Variants in IMPG2 observed in about 807,000 individuals in gnomAD.
IMPG2 encodes the protein IPM 200.
IMPG2 carries 91 observed loss-of-function variants against 129.2 expected under a neutral mutation model. That is an observed-to-expected ratio of 0.70 (90% confidence interval 0.59 to 0.84). The LOEUF (loss-of-function observed/expected upper bound fraction) is 0.84. IMPG2 is among the 40% of genes least tolerant of loss of function. The pLI is 0.00. For missense variants in IMPG2, 1,430 were observed against 1,461.7 expected, an observed-to-expected ratio of 0.98 and a Z score of 0.35; for synonymous variants, 510 against 517.7, an observed-to-expected ratio of 0.99 and a Z score of 0.20.
intron 10 of IMPG2, among the ~76,000 whole-genome samples, chr3:101,254,445 T>C (rs1281098785): frequency 6.6e-6 from 1 of 152,060 alleles, no homozygotes; most frequent in East Asian, 1.9e-4. Context: ...GGGGCATGTA[T>C]ACAATGTATG....
At chr3:101,227,056 T>C (rs1053524829) in intron 18 of IMPG2, 75 bp from the exon 19 acceptor site, 1 of 1,401,376 alleles carries the variant, frequency 7.1e-7, no homozygotes. Context: ...CTGTCATACA[T>C]CACTAAGCTA....
At chr3:101,257,225 T>G (rs1255456206) in intron 10 of IMPG2, among the ~76,000 whole-genome samples, 4 of 152,134 alleles carry the variant, frequency 2.6e-5, no homozygotes, top group Non-Finnish European at 5.9e-5. Flanking sequence ...TATTATAGCC[T>G]GTTTCAATGC....
intron 2 of IMPG2, among the ~76,000 whole-genome samples, chr3:101,308,205 C>T (rs1449006939): frequency 6.6e-6 from 1 of 152,180 alleles, no homozygotes; most frequent in Non-Finnish European, 1.5e-5. Context: ...TTGGTTGATC[C>T]ACCATTCTGG....
Position 101,244,346 on chromosome 3 carries a change from C to G in IMPG2, c.1985G>C (p.Ser662Thr). The change falls in exon 13 of 19, where the codon AGT becomes ACT. Residue 662 changes from serine to threonine, a missense_variant. Transcript: ENST00000193391. ...ATCATGTTCATATTTTGAGTGCTTA[C>G]TAATTTGGTCTGTGGAATCCATTTT... Reference protein sequence around the residue: ...VDKMDSTDQISKHSKYEHDDR... With the variant: ...VDKMDSTDQITKHSKYEHDDR... 1 of 1,614,072 alleles carries G rather than the reference C, an allele frequency of 6.2e-7. No homozygotes were observed. Among genetic ancestry groups the G allele is most frequent in the Non-Finnish European group, 8.5e-7 (1 of 1,179,982 alleles).
At chr3:101,277,498 T>C (rs1706850816) in intron 4 of IMPG2, among the ~76,000 whole-genome samples, 1 of 152,214 alleles carries the variant, frequency 6.6e-6, no homozygotes, top group Non-Finnish European at 1.5e-5. Flanking sequence ...AGACAAGTAG[T>C]ACAGACAAGA....
At chr3:101,291,402 A>T in intron 4 of IMPG2, 77 bp downstream of exon 4, 1 of 1,212,616 alleles carries the variant, frequency 8.2e-7, no homozygotes, top group Non-Finnish European at 1.2e-6. Context: ...GCACCATTAA[A>T]TTTGGGGTGA....
chr3:101,310,693 T>C (rs1707255720), intron 2 of IMPG2, among the ~76,000 whole-genome samples: 1 of 152,180 alleles, frequency 6.6e-6, no homozygotes, highest in South Asian at 2.1e-4. Flanking sequence ...TCTTTCACTT[T>C]TCTGTTTAAA....
In IMPG2 at chr3:101,319,604, A is replaced by C; in HGVS notation, c.314T>G (p.Val105Gly). 1 of 1,613,660 alleles carries C rather than the reference A, an allele frequency of 6.2e-7. No individual in the cohort carries two copies. The highest frequency in any genetic ancestry group is 8.5e-7 in the Non-Finnish European group (1 of 1,179,776). Residue 105 changes from valine to glycine, a missense_variant, in exon 2 of 19, where the codon GTG becomes GGG. Coordinates refer to ENST00000193391, the MANE Select transcript of IMPG2 (RefSeq NM_016247.4). ...ESVAEAVANH[V>G]KYFKVRVCQE... ...CTTACCTCGGACTTTAAAATACTTCACATGATTTGCCACAGCCTCTGCAAC... is the reference window on the plus strand; with the variant it reads ...CTTACCTCGGACTTTAAAATACTTCCCATGATTTGCCACAGCCTCTGCAAC...
intron 2 of IMPG2, among the ~76,000 whole-genome samples, chr3:101,308,952 T>C (rs994583959): frequency 2.0e-5 from 3 of 152,144 alleles, no homozygotes; most frequent in Non-Finnish European, 2.9e-5. Context: ...ATACCCTAAA[T>C]CATCTCTCTC....
At chr3:101,319,356 G>A (rs1415094661) in intron 2 of IMPG2, among the ~76,000 whole-genome samples, 1 of 152,010 alleles carries the variant, frequency 6.6e-6, no homozygotes, top group Admixed American at 6.6e-5. Flanking sequence ...ATTATTAAAT[G>A]ATATTATTGC....
intron 2 of IMPG2, among the ~76,000 whole-genome samples, chr3:101,315,663 C>T (rs1390138865): frequency 3.3e-5 from 5 of 151,942 alleles, no homozygotes; most frequent in African/African-American, 9.7e-5. Context: ...ACTTCTGGTC[C>T]CAAGCATTTT....
rs1361083993 is a variant in IMPG2, at chr3:101,226,278, T to C, written c.*691A>G. On this transcript the variant is annotated 3_prime_UTR_variant, in exon 19 of 19. Coordinates refer to ENST00000193391, the MANE Select transcript of IMPG2 (RefSeq NM_016247.4). ...ATATATATATATATATATATATATA[T>C]ATGCATTCATCCTGAAAACTAAGAA... 1 of 77,344 alleles carries C rather than the reference T, an allele frequency of 1.3e-5. No individual in the cohort carries two copies. Among genetic ancestry groups the C allele is most frequent in the Non-Finnish European group, 2.8e-5 (1 of 36,178 alleles). 4.8% of individuals were successfully genotyped at this position (77,344 alleles called of 1,614,324 possible).
chr3:101,255,105 T>C (rs953727047), intron 10 of IMPG2, among the ~76,000 whole-genome samples: 1 of 152,116 alleles, frequency 6.6e-6, no homozygotes, highest in Non-Finnish European at 1.5e-5. Flanking sequence ...TTAAACCTCT[T>C]TCCTTCATAA....
In IMPG2 at chr3:101,283,769, A is replaced by G. The variant is rs373011040; in HGVS notation, c.534-7056T>C. Among the ~76,000 whole-genome samples, 11 of 152,336 alleles carry G rather than the reference A, an allele frequency of 7.2e-5. No individual in the cohort carries two copies. The East Asian group carries it at 2.1e-3, about 29-fold the overall frequency. ...ATTTGCAAAAACAAAACAAAACAAA[A>G]AACTCTGAGCTATACTGCCCATATT... On this transcript the variant is annotated intron_variant, in intron 4 of 18. Transcript: ENST00000193391.
At chr3:101,229,312 C>A (rs923255219) in intron 17 of IMPG2, 68 bp downstream of exon 17, 2 of 914,230 alleles carry the variant, frequency 2.2e-6, no homozygotes, top group African/African-American at 1.7e-5. Context: ...CCCCACCCAC[C>A]ACCCCCTGCT....
intron 4 of IMPG2, among the ~76,000 whole-genome samples, chr3:101,281,840 G>C (rs756959405): frequency 3.5e-4 from 53 of 152,234 alleles, no homozygotes; most frequent in Non-Finnish European, 5.4e-4. Flanking sequence ...ATGGAAGTGG[G>C]CCATGAGCCA....
At chr3:101,283,740 T>A (rs1217447306) in intron 4 of IMPG2, among the ~76,000 whole-genome samples, 1 of 152,132 alleles carries the variant, frequency 6.6e-6, no homozygotes, top group Non-Finnish European at 1.5e-5. Context: ...AAAAGGAAGT[T>A]TGGATTTGCA....
intron 11 of IMPG2, among the ~76,000 whole-genome samples, chr3:101,249,925 G>A (rs762412218): frequency 6.6e-6 from 1 of 151,902 alleles, no homozygotes; most frequent in Non-Finnish European, 1.5e-5. Context: ...AAAAAAAATA[G>A]CTGGGTGCCT....
At chr3:101,265,407 A>ATTAATTT (rs1241246452) in intron 9 of IMPG2, among the ~76,000 whole-genome samples, 3 of 152,110 alleles carry the variant, frequency 2.0e-5, no homozygotes, top group African/African-American at 7.2e-5. Flanking sequence ...TCTACAACCA[A>ATTAATTT]TTAATTTTTG....
Sources: allele counts gnomAD v4.1 joint callset (sites outside exome capture counted in the v4.1 genomes callset), GRCh38; gene constraint gnomAD v4.1.1; transcripts MANE v1.5; gene names NCBI Gene and HGNC (gene_info 2026-07-23, HGNC 2026-07-21).